Variants in KBTBD12 observed in about 807,000 individuals in gnomAD.
The protein encoded by KBTBD12 is kelch repeat and BTB domain-containing protein 12.
KBTBD12 carries 53 observed loss-of-function variants against 58.7 expected under a neutral mutation model. The observed-to-expected ratio is 0.90, with a 90% confidence interval of 0.72 to 1.14. KBTBD12 has a LOEUF of 1.14. Among genes scored for constraint, KBTBD12 ranks in the 50% most tolerant of loss-of-function variants. The probability of loss-of-function intolerance (pLI) is 0.00; values close to 1 mark genes in which losing one functional copy is unlikely to be tolerated. For synonymous variants in KBTBD12, 236 were observed against 259.8 expected, an observed-to-expected ratio of 0.91 and a Z score of 0.88; for missense variants, 704 against 751.3, an observed-to-expected ratio of 0.94 and a Z score of 0.74.
chr3:127,969,599 T>C (rs1173772612), intron 5 of KBTBD12, among the ~76,000 whole-genome samples: 1 of 152,174 alleles, frequency 6.6e-6, no homozygotes, highest in Non-Finnish European at 1.5e-5. Context: ...GACCATGTGG[T>C]ACCAGCATAA....
intron 4 of KBTBD12, among the ~76,000 whole-genome samples, chr3:127,940,418 A>T (rs951801131): frequency 2.6e-5 from 4 of 152,204 alleles, no homozygotes; most frequent in African/African-American, 9.6e-5. Context: ...GAACATAAGG[A>T]TAACTGAATA....
In KBTBD12 at chr3:127,923,129, A is replaced by T. The variant is rs759635530; in HGVS notation, c.68A>T (p.Asn23Ile). The change falls in exon 2 of 6, where the codon AAC (asparagine) becomes ATC (isoleucine). Residue 23 changes from asparagine to isoleucine, a missense_variant. By Grantham distance (149) the Asn-to-Ile change is moderately radical. Coordinates refer to ENST00000405109, the MANE Select transcript of KBTBD12 (RefSeq NM_207335.4). ...HSLNLLNKIQ[N>I]MKELAEMIDV... is the part of the protein sequence containing the mutation. ...TTGAATTTACTGAATAAAATTCAGA[A>T]CATGAAAGAATTAGCAGAAATGATT... 1 of 1,612,776 alleles carries T rather than the reference A, an allele frequency of 6.2e-7. No homozygotes were observed. Among genetic ancestry groups the T allele is most frequent in the South Asian group, 1.1e-5 (1 of 91,036 alleles).
At chr3:127,943,694 G>A (rs1037022035) in intron 4 of KBTBD12, among the ~76,000 whole-genome samples, 1 of 151,192 alleles carries the variant, frequency 6.6e-6, no homozygotes, top group African/African-American at 2.4e-5. Flanking sequence ...TTGGTTTGAT[G>A]TAGTCTGACT....
chr3:127,965,453 A>G (rs1011182570), intron 5 of KBTBD12, among the ~76,000 whole-genome samples: 4 of 152,256 alleles, frequency 2.6e-5, no homozygotes, highest in Non-Finnish European at 4.4e-5. Context: ...ACAATTGTAT[A>G]ATAACATACC....
At chr3:127,963,120 G>A (rs1295629318) in intron 4 of KBTBD12, 69 bp from the exon 5 acceptor site, 3 of 1,311,544 alleles carry the variant, frequency 2.3e-6, no homozygotes, top group Non-Finnish European at 3.1e-6. Flanking sequence ...AAACCATGCA[G>A]GGGGCAGTGC....
chr3:127,981,127 A>G (rs1173712728), intron 5 of KBTBD12, among the ~76,000 whole-genome samples: 1 of 152,232 alleles, frequency 6.6e-6, no homozygotes, highest in African/African-American at 2.4e-5. Context: ...ATATTTTAAT[A>G]TACCTACTGT....
At chr3:127,944,647 T>C (rs1356997508) in intron 4 of KBTBD12, among the ~76,000 whole-genome samples, 2 of 152,190 alleles carry the variant, frequency 1.3e-5, no homozygotes, top group East Asian at 3.8e-4. Flanking sequence ...TCCTTTCCAG[T>C]GTGGGTGGCT....
At chr3:127,962,204 G>A (rs947825127) in intron 4 of KBTBD12, among the ~76,000 whole-genome samples, 2 of 152,222 alleles carry the variant, frequency 1.3e-5, no homozygotes, top group Admixed American at 6.5e-5. Context: ...CTTCCGGGGG[G>A]TTTACCTCAG....
chr3:127,942,646 C>CTA (rs1227492350), intron 4 of KBTBD12, among the ~76,000 whole-genome samples: 4 of 146,234 alleles, frequency 2.7e-5, no homozygotes, highest in East Asian at 2.0e-4. Context: ...CTATATATAA[C>CTA]TATATATATA....
chr3:127,933,706 G>A lies in KBTBD12; in HGVS notation c.1492+3423G>A, dbSNP rs143706956. ...ATTTGAACTTTTAAGGTACTCCCAT[G>A]CAGATCCACCAGGAGACAGTGGAAG... On this transcript the variant is annotated intron_variant, in intron 4 of 5. Coordinates refer to ENST00000405109, the MANE Select transcript of KBTBD12 (RefSeq NM_207335.4). Among the ~76,000 whole-genome samples, 83 of 152,286 alleles carry A rather than the reference G, an allele frequency of 5.5e-4. 1 individual carries two copies. The highest frequency in any genetic ancestry group is 2.0e-3 in the Admixed American group (31 of 15,294).
chr3:127,963,065 C>T, intron 4 of KBTBD12, 124 bp from the exon 5 acceptor site: 2 of 800,126 alleles, frequency 2.5e-6, no homozygotes, highest in South Asian at 1.9e-5. Flanking sequence ...CAAGGTAGCA[C>T]CTGGCAAGAA....
In KBTBD12 at chr3:127,928,011, G is replaced by A; in HGVS notation, c.1318G>A (p.Val440Ile). Residue 440 changes from valine to isoleucine, a missense_variant, in exon 3 of 6, where the codon GTA becomes ATA. By Grantham distance (29) the Val-to-Ile change is conservative. Coordinates refer to ENST00000405109, the MANE Select transcript of KBTBD12 (RefSeq NM_207335.4). ...AVVTVNNKLY[V>I]IGGWTPQMDL... ...AGTGACAGTGAATAATAAACTTTAT[G>A]TAATTGGAGGCTGGACCCCTCAGGT... The A allele has an allele frequency of 6.2e-7, 1 of 1,613,434 alleles. No homozygotes were observed.
Position 127,921,720 on chromosome 3 carries a change from ATTGTTTTTTGTGGTTG to A in KBTBD12, c.-112-1225_-112-1210del, listed in dbSNP as rs1410329869. 7.2e-5 allele frequency among the ~76,000 whole-genome samples: 11 copies of A among 152,262 alleles called. 1 individual carries two copies. The highest frequency in any genetic ancestry group is 2.6e-4 in the African/African-American group (11 of 41,572). On this transcript the variant is annotated intron_variant, in intron 1 of 5. Coordinates refer to ENST00000405109, the MANE Select transcript of KBTBD12 (RefSeq NM_207335.4). ...GCCAGTTATTTCCGTTTTCAAATAA[ATTGTTTTTTGTGGTTG>A]TTGTCAAAGCCAATGTTTTTGAGAC...
chr3:127,981,205 ACTGT>A (rs1940866777), intron 5 of KBTBD12, among the ~76,000 whole-genome samples: 1 of 152,202 alleles, frequency 6.6e-6, no homozygotes, highest in African/African-American at 2.4e-5. Context: ...CAGATTCTAG[ACTGT>A]CTAAGATAGC....
rs762927161 is a variant in KBTBD12, at chr3:127,923,238, G to A, written c.177G>A (p.Met59Ile). ...LAAFSPYFKA[M>I]FTCGLLECNQ... ...CATTTAGCCCTTATTTCAAAGCTAT[G>A]TTCACCTGTGGACTACTTGAATGTA... The change falls in exon 2 of 6, where the codon ATG becomes ATA. Residue 59 changes from methionine to isoleucine, a missense_variant. Transcript: ENST00000405109. 3.7e-6 allele frequency: 6 copies of A among 1,613,706 alleles called. No homozygotes were observed. The African/African-American group carries it at 8.0e-5, about 22-fold the overall frequency.
intron 4 of KBTBD12, among the ~76,000 whole-genome samples, chr3:127,942,448 T>C (rs1467543439): frequency 6.6e-6 from 1 of 152,036 alleles, no homozygotes; most frequent in East Asian, 1.9e-4. Context: ...TCTGGCTTAT[T>C]TCACTTAGTG....
intron 5 of KBTBD12, among the ~76,000 whole-genome samples, chr3:127,964,198 G>T (rs1051311996): frequency 4.6e-5 from 7 of 152,028 alleles, no homozygotes; most frequent in Non-Finnish European, 8.8e-5. Context: ...CAAGCACAAG[G>T]CCAGTACATA....
intron 1 of KBTBD12, among the ~76,000 whole-genome samples, chr3:127,922,341 A>G (rs1404606375): frequency 6.6e-6 from 1 of 152,172 alleles, no homozygotes; most frequent in Non-Finnish European, 1.5e-5. Context: ...TTTTCAGATC[A>G]GCTGACATTT....
Position 127,962,134 on chromosome 3 carries a change from A to G in KBTBD12, c.1493-1055A>G, listed in dbSNP as rs1940453447. 2.0e-5 allele frequency among the ~76,000 whole-genome samples: 3 copies of G among 152,314 alleles called. No homozygotes were observed. The South Asian group carries it at 6.2e-4, about 32-fold the overall frequency. On this transcript the variant is annotated intron_variant, in intron 4 of 5. Transcript: ENST00000405109. ...GATTAGTCACACAGACCAGGCTGTG[A>G]GTCTGGATAGAATGAGGTCATCGAT...
Sources: gnomAD v4.1 joint callset for allele counts (sites outside exome capture counted in the v4.1 genomes callset) on GRCh38, gnomAD v4.1.1 for gene constraint, MANE v1.5 for transcripts, NCBI Gene and HGNC (gene_info 2026-07-23, HGNC 2026-07-21) for gene names.